The following GRM4 variants were observed in gnomAD, a reference collection of about 807,000 sequenced individuals.
GRM4 encodes glutamate metabotropic receptor 4.
Under a neutral mutation model 81.7 loss-of-function variants are expected in GRM4, and 28 were observed. The ratio of observed to expected loss-of-function variants is 0.34; its 90% confidence interval spans 0.25 to 0.47. The LOEUF (loss-of-function observed/expected upper bound fraction) is 0.47. Among genes scored for constraint, GRM4 ranks in the 20% least tolerant of loss-of-function variants. GRM4 has a pLI of 1.00. For missense variants in GRM4, 948 were observed against 1,290.0 expected (o/e 0.73, Z 4.06); for synonymous variants, 488 against 528.8 (o/e 0.92, Z 1.06).
At chr6:34,091,193 T>A (rs2127485890) in intron 3 of GRM4, among the ~76,000 whole-genome samples, 1 of 152,122 alleles carries the variant, frequency 6.6e-6, no homozygotes, top group South Asian at 2.1e-4. Flanking sequence ...TAGGTGGGAG[T>A]CACCTGCCAA....
At chr6:34,049,353 C>T (rs913286367) in intron 6 of GRM4, among the ~76,000 whole-genome samples, 9 of 152,112 alleles carry the variant, frequency 5.9e-5, no homozygotes, top group Non-Finnish European at 1.0e-4. Flanking sequence ...CGGGACACCA[C>T]GCTCTGGGCC....
chr6:34,120,365 G>T (rs774158151), intron 2 of GRM4, among the ~76,000 whole-genome samples: 18 of 152,136 alleles, frequency 1.2e-4, no homozygotes, highest in Non-Finnish European at 4.4e-5. Context: ...TCCTGTGGGG[G>T]TGAGGGAGGC....
chr6:34,112,540 C>A (rs1769428571), intron 2 of GRM4, among the ~76,000 whole-genome samples: 1 of 152,174 alleles, frequency 6.6e-6, no homozygotes, highest in Non-Finnish European at 1.5e-5. Flanking sequence ...ACCAGTTTCT[C>A]TGTGGGGGAG....
At chr6:34,137,412 G>A (rs969963358) in intron 1 of GRM4, among the ~76,000 whole-genome samples, 1 of 152,198 alleles carries the variant, frequency 6.6e-6, no homozygotes, top group East Asian at 1.9e-4. Context: ...CAGTGAATGG[G>A]GATGTAAGGG....
rs1485222282 is a variant in GRM4, at chr6:34,087,709, CA to C, written c.736+4173del. Among the ~76,000 whole-genome samples, 685 of 124,044 alleles carry C rather than the reference CA, an allele frequency of 5.5e-3. 6 individuals carry two copies. The highest frequency in any genetic ancestry group is 0.018 in the African/African-American group (539 of 29,670). 81.4% of individuals were successfully genotyped at this position (124,044 alleles called of 152,430 possible). On this transcript the variant is annotated intron_variant, in intron 3 of 10. Coordinates refer to ENST00000538487, the MANE Select transcript of GRM4 (RefSeq NM_000841.4). ...GCACACACACACACAACCCCCCCCCCACACACACACACACAGGCCCAGTCTA... is the reference window on the plus strand; with the variant it reads ...GCACACACACACACAACCCCCCCCCCCACACACACACACAGGCCCAGTCTA...
intron 6 of GRM4, among the ~76,000 whole-genome samples, chr6:34,041,671 G>C (rs945688626): frequency 6.6e-6 from 1 of 152,200 alleles, no homozygotes; most frequent in African/African-American, 2.4e-5. Flanking sequence ...CAGATGGCTC[G>C]TCCACAGTGT....
chr6:34,072,887 TCA>T (rs1178837981), intron 3 of GRM4, among the ~76,000 whole-genome samples: 4 of 36,140 alleles, frequency 1.1e-4, no homozygotes, highest in African/African-American at 1.7e-4. Flanking sequence ...CCACACATCA[TCA>T]CACAGATACC....
rs1330654063 is a variant in GRM4, at chr6:34,022,852, G to T, written c.2708C>A (p.Thr903Asn). Reference protein sequence around the residue: ...LEAPALATKQTYVTYTNHAI With the variant: ...LEAPALATKQNYVTYTNHAI ...TGCATGGTTGGTGTAAGTGACGTAA[G>T]TCTGTTTGGTGGCCAGCGCTGGAAG... is the stretch of plus-strand genomic sequence containing the variant. Residue 903 changes from threonine (T) to asparagine (N), a missense_variant, in exon 11 of 11, where the codon ACT becomes AAT. By Grantham distance (65) the Thr-to-Asn change is moderately conservative. Transcript: ENST00000538487. This position sits in a 1 kb window ranked among gnomAD's most constrained non-coding sequence, Gnocchi z 5.6. 1 of 1,614,028 alleles carries T rather than the reference G, an allele frequency of 6.2e-7. No homozygotes were observed. Among genetic ancestry groups the T allele is most frequent in the Admixed American group, 1.7e-5 (1 of 60,022 alleles).
intron 1 of GRM4, among the ~76,000 whole-genome samples, chr6:34,137,048 T>C (rs1466576844): frequency 2.0e-5 from 3 of 152,076 alleles, no homozygotes; most frequent in Non-Finnish European, 4.4e-5. Flanking sequence ...TTAAAGTCCT[T>C]GCCCAGTTTT....
intron 2 of GRM4, among the ~76,000 whole-genome samples, chr6:34,108,107 C>A (rs1769208705): frequency 6.6e-6 from 1 of 152,214 alleles, no homozygotes; most frequent in African/African-American, 2.4e-5. Context: ...AGGGACCCAG[C>A]CCAGAGCATG....
chr6:34,041,543 G>A (rs1765021387), intron 6 of GRM4, among the ~76,000 whole-genome samples: 1 of 152,156 alleles, frequency 6.6e-6, no homozygotes, highest in South Asian at 2.1e-4. Context: ...CCTCTGCTCT[G>A]GGGCCCTGTG....
intron 2 of GRM4, among the ~76,000 whole-genome samples, chr6:34,108,527 A>C (rs374192330): frequency 1.4e-4 from 21 of 152,240 alleles, no homozygotes; most frequent in Middle Eastern, 6.8e-3. Context: ...ACAGAGAAAT[A>C]AGGATTGGAC....
intron 3 of GRM4, among the ~76,000 whole-genome samples, chr6:34,073,279 AGATAC>A: frequency 6.4e-4 from 1 of 1,572 alleles, no homozygotes; most frequent in Non-Finnish European, 1.8e-3. Context: ...GTCACCACAC[AGATAC>A]CACACACACA....
chr6:34,101,451 T>C (rs1768833357), intron 2 of GRM4, among the ~76,000 whole-genome samples: 1 of 152,214 alleles, frequency 6.6e-6, no homozygotes, highest in Non-Finnish European at 1.5e-5. Flanking sequence ...GTCTCCTGCG[T>C]ACACGGTGGG....
chr6:34,108,680 G>A (rs991231274), intron 2 of GRM4, among the ~76,000 whole-genome samples: 2 of 152,028 alleles, frequency 1.3e-5, no homozygotes, highest in Non-Finnish European at 2.9e-5. Context: ...TTCCCTCCAC[G>A]CCTGCAGAGA....
At chr6:34,054,169 T>C (rs925360460) in intron 6 of GRM4, 3 of 151,612 alleles carry the variant, frequency 2.0e-5, no homozygotes, top group African/African-American at 7.3e-5. Context: ...CTTTTTTTTT[T>C]TTTTTTTTTG....
At chr6:34,084,048 G>A (rs1056940174) in intron 3 of GRM4, among the ~76,000 whole-genome samples, 1 of 152,204 alleles carries the variant, frequency 6.6e-6, no homozygotes, top group Non-Finnish European at 1.5e-5. Context: ...GTAGTTTTCA[G>A]TGGGTGTCTG....
At chr6:34,144,053 C>T (rs1227246121) in intron 1 of GRM4, among the ~76,000 whole-genome samples, 1 of 152,230 alleles carries the variant, frequency 6.6e-6, no homozygotes, top group Non-Finnish European at 1.5e-5. Context: ...CAGGGGCCGG[C>T]AATGGTGCGG....
At chr6:34,040,359 C>T (rs200045201) in intron 7 of GRM4, 45 bp from the exon 8 acceptor site, 113 of 1,604,068 alleles carry the variant, frequency 7.0e-5, no homozygotes, top group Middle Eastern at 3.3e-4. Context: ...TACCCAGAGG[C>T]AGGGCGGATG....
Sources: allele counts gnomAD v4.1 joint callset (sites outside exome capture counted in the v4.1 genomes callset), GRCh38; gene constraint gnomAD v4.1.1; non-coding constraint Gnocchi (gnomAD v3.1); transcripts MANE v1.5; gene names NCBI Gene and HGNC (gene_info 2026-07-23, HGNC 2026-07-21).